GADL1: variants seen among roughly 807,000 people sequenced by gnomAD.
GADL1 encodes GAD like acidic amino acid decarboxylase 1.
GADL1 carries 71 observed loss-of-function variants against 69.5 expected under a neutral mutation model. The ratio of observed to expected loss-of-function variants is 1.02; its 90% CI spans 0.84 to 1.25. The LOEUF is 1.25. Ranked by LOEUF, GADL1 falls within the 50% of genes most tolerant of loss-of-function variation. GADL1 has a pLI of 0.00. For missense variants in GADL1, 737 were observed against 631.8 expected, an observed-to-expected ratio of 1.17 and a Z score of -1.79; for synonymous variants, 254 against 214.4, an observed-to-expected ratio of 1.18 and a Z score of -1.62.
chr3:30,826,432 TAGAG>T (rs1362125196), intron 11 of GADL1, among the ~76,000 whole-genome samples: 1 of 145,620 alleles, frequency 6.9e-6, no homozygotes, highest in Non-Finnish European at 1.5e-5. Context: ...GGAAGGGCAT[TAGAG>T]AGATATCTAC....
intron 14 of GADL1, among the ~76,000 whole-genome samples, chr3:30,776,110 T>C (rs1696531390): frequency 6.6e-6 from 1 of 152,208 alleles, no homozygotes; most frequent in Admixed American, 6.5e-5. Context: ...TTATATTCTG[T>C]ATTTGAGATT....
At chr3:30,894,290 G>A (rs1229751871) in intron 1 of GADL1, among the ~76,000 whole-genome samples, 1 of 152,178 alleles carries the variant, frequency 6.6e-6, no homozygotes, top group Non-Finnish European at 1.5e-5. Context: ...GAAACATGCG[G>A]CAGTTCGCCA....
intron 14 of GADL1, among the ~76,000 whole-genome samples, chr3:30,770,522 T>C (rs79573308): frequency 0.01 from 1,533 of 152,330 alleles, 19 homozygotes; most frequent in African/African-American, 0.034. Flanking sequence ...GCTGTGTTCC[T>C]TGGCCTCATC....
intron 14 of GADL1, among the ~76,000 whole-genome samples, chr3:30,745,998 T>C (rs1695697431): frequency 6.7e-6 from 1 of 149,188 alleles, no homozygotes; most frequent in Admixed American, 6.7e-5. Flanking sequence ...TTCTTCTTCT[T>C]TTTTCCTTTT....
At chr3:30,737,530 C>A (rs182046400) in intron 14 of GADL1, among the ~76,000 whole-genome samples, 11 of 152,168 alleles carry the variant, frequency 7.2e-5, no homozygotes, top group African/African-American at 2.4e-4. Context: ...CATTTTTAAA[C>A]CTATCTAATT....
chr3:30,754,358 TC>T (rs1325190749), intron 14 of GADL1, among the ~76,000 whole-genome samples: 2 of 126,982 alleles, frequency 1.6e-5, no homozygotes, highest in African/African-American at 6.4e-5. Context: ...TATCTTAGCT[TC>T]CTTCAGGAAA....
At chr3:30,836,464 C>G (rs1697876317) in intron 9 of GADL1, among the ~76,000 whole-genome samples, 1 of 151,654 alleles carries the variant, frequency 6.6e-6, no homozygotes, top group Admixed American at 6.6e-5. Flanking sequence ...TTCCTAACTC[C>G]AGAAACTGTG....
chr3:30,852,372 C>T (rs920513089), intron 4 of GADL1, among the ~76,000 whole-genome samples: 3 of 151,976 alleles, frequency 2.0e-5, no homozygotes, highest in Non-Finnish European at 1.5e-5. Context: ...ATTAGCCACG[C>T]ATGGTGGTAG....
chr3:30,772,831 G>A (rs1696445476), intron 14 of GADL1, among the ~76,000 whole-genome samples: 1 of 152,162 alleles, frequency 6.6e-6, no homozygotes, highest in Non-Finnish European at 1.5e-5. Flanking sequence ...AGCCAAGATT[G>A]TGCCACTGCA....
rs1696075496 is a variant in GADL1, at chr3:30,759,695, C to T, written c.1392+18484G>A. On this transcript the variant is annotated intron_variant, in intron 14 of 14. Transcript: ENST00000282538. ...TGGTAGATTAGGTTCTTCAGAAATA[C>T]GCATATGTATCCTCACTACTTCACT... 1.3e-5 allele frequency among the ~76,000 whole-genome samples: 2 copies of T among 152,296 alleles called. 1 individual carries two copies. The highest frequency in any genetic ancestry group is 6.8e-3 in the Middle Eastern group (2 of 294).
chr3:30,844,493 G>C, intron 6 of GADL1, 27 bp from the exon 7 acceptor site: 2 of 1,430,338 alleles, frequency 1.4e-6, no homozygotes, highest in Non-Finnish European at 2.0e-6. Flanking sequence ...AGTGGGGAAG[G>C]GGGAGACATG....
intron 11 of GADL1, among the ~76,000 whole-genome samples, chr3:30,828,315 C>T (rs1052537858): frequency 4.0e-5 from 6 of 151,786 alleles, no homozygotes; most frequent in Non-Finnish European, 7.4e-5. Flanking sequence ...GGTATATTTT[C>T]CAGCAAAAAT....
intron 13 of GADL1, among the ~76,000 whole-genome samples, chr3:30,780,745 T>C (rs1262624429): frequency 6.6e-6 from 1 of 152,226 alleles, no homozygotes; most frequent in African/African-American, 2.4e-5. Flanking sequence ...TAAGCACTTT[T>C]AGAATGGAAT....
intron 1 of GADL1, among the ~76,000 whole-genome samples, chr3:30,893,063 C>T (rs1698805108): frequency 6.6e-6 from 1 of 152,138 alleles, no homozygotes; most frequent in Admixed American, 6.6e-5. Context: ...ACCATGTTGG[C>T]CAGGCTGGTC....
At chr3:30,824,024 C>A (rs145663623) in intron 11 of GADL1, among the ~76,000 whole-genome samples, 152 of 151,546 alleles carry the variant, frequency 1.0e-3, no homozygotes, top group African/African-American at 3.6e-3. Flanking sequence ...AATTGACATG[C>A]CAGAAAAGGA....
chr3:30,826,774 T>C (rs1697689095), intron 11 of GADL1, among the ~76,000 whole-genome samples: 1 of 151,780 alleles, frequency 6.6e-6, no homozygotes. Flanking sequence ...AAAGACAGCA[T>C]CATTAGATAC....
chr3:30,755,661 T>G (rs1478826427), intron 14 of GADL1, among the ~76,000 whole-genome samples: 4 of 152,212 alleles, frequency 2.6e-5, no homozygotes, highest in Admixed American at 2.0e-4. Flanking sequence ...GAATCCCCTG[T>G]TAGACTATAA....
At chr3:30,768,637 GA>G (rs1233443222) in intron 14 of GADL1, among the ~76,000 whole-genome samples, 1 of 152,028 alleles carries the variant, frequency 6.6e-6, no homozygotes, top group African/African-American at 2.4e-5. Context: ...GAGGCACAAA[GA>G]AGCCTCAAAG....
intron 13 of GADL1, among the ~76,000 whole-genome samples, chr3:30,780,870 A>G (rs759224787): frequency 3.9e-5 from 6 of 152,212 alleles, no homozygotes; most frequent in Non-Finnish European, 8.8e-5. Flanking sequence ...TCCAAAATTA[A>G]GAGTTGAAAA....
Sources: gnomAD v4.1 joint callset for allele counts (sites outside exome capture counted in the v4.1 genomes callset) on GRCh38, gnomAD v4.1.1 for gene constraint, MANE v1.5 for transcripts, NCBI Gene and HGNC (gene_info 2026-07-23, HGNC 2026-07-21) for gene names.